ITGA9: variants seen among roughly 807,000 people sequenced by gnomAD.
The protein encoded by ITGA9 is integrin subunit alpha 9.
In ITGA9, 56 loss-of-function variants were observed where a neutral mutation model predicts 127.8. The observed-to-expected ratio is 0.44, with a 90% confidence interval of 0.35 to 0.55. The LOEUF (loss-of-function observed/expected upper bound fraction) is 0.55, where lower values mean the gene tolerates loss of function less well. Among genes scored for constraint, ITGA9 ranks in the 20% least tolerant of loss-of-function variants. The pLI is 0.00. For missense variants in ITGA9, 1,196 were observed against 1,347.1 expected (o/e 0.89, Z 1.76); for synonymous variants, 508 against 514.5 (o/e 0.99, Z 0.17).
At chr3:37,610,553 G>A (rs770733801) in intron 15 of ITGA9, among the ~76,000 whole-genome samples, 1 of 152,302 alleles carries the variant, frequency 6.6e-6, no homozygotes, top group East Asian at 1.9e-4. Context: ...GATGATACAA[G>A]TATAGACTTA....
chr3:37,805,207 C>T (rs1697281726), intron 27 of ITGA9, among the ~76,000 whole-genome samples: 1 of 152,012 alleles, frequency 6.6e-6, no homozygotes, highest in South Asian at 2.1e-4. Context: ...TGCACAATGC[C>T]TGGCTCATTT....
chr3:37,570,403 T>C (rs935948349), intron 15 of ITGA9, among the ~76,000 whole-genome samples: 1 of 152,234 alleles, frequency 6.6e-6, no homozygotes. Flanking sequence ...GGTTGTCTTA[T>C]AGGTTTATTT....
intron 23 of ITGA9, among the ~76,000 whole-genome samples, chr3:37,759,576 T>G (rs1453441882): frequency 1.3e-5 from 2 of 152,014 alleles, no homozygotes; most frequent in Non-Finnish European, 2.9e-5. Context: ...TAGATGGAAA[T>G]TATAAGAACC....
At position 37,598,892 on chromosome 3, in the gene ITGA9, G is replaced by A. The variant is rs1210251988; in HGVS notation, c.1690-30295G>A. Among the ~76,000 whole-genome samples, 6 of 152,140 alleles carry A rather than the reference G, an allele frequency of 3.9e-5. No individual in the cohort carries two copies. In the South Asian group the frequency reaches 6.2e-4, roughly 16 times the overall value. ...GTTTTAAAGGATCCGTGGGTTTGTG[G>A]GGAGGGCTGCACCAGTGACCAGTTA... On this transcript the variant is annotated intron_variant, in intron 15 of 27. Transcript: ENST00000264741.
intron 23 of ITGA9, among the ~76,000 whole-genome samples, chr3:37,772,275 G>A (rs9826848): frequency 1.1e-3 from 175 of 152,234 alleles, no homozygotes; most frequent in African/African-American, 3.9e-3. Context: ...AGGCATGGTG[G>A]CGTGTGCCTG....
At chr3:37,565,806 G>T (rs768294417) in intron 15 of ITGA9, among the ~76,000 whole-genome samples, 35 of 152,190 alleles carry the variant, frequency 2.3e-4, no homozygotes, top group African/African-American at 7.0e-4. Flanking sequence ...ACATTCCCAC[G>T]TGATGCTGCT....
In ITGA9 at chr3:37,495,878, A is replaced by G. The variant is rs1342791594; in HGVS notation, c.612+1310A>G. Reference sequence around the variant, plus strand: ...TGCATACTAGCCCCAGGGTCCTTCAAATGAAACCCATCCTTCTGACTCCGA... The same window carrying G: ...TGCATACTAGCCCCAGGGTCCTTCAGATGAAACCCATCCTTCTGACTCCGA... On this transcript the variant is annotated intron_variant, in intron 5 of 27. Coordinates refer to ENST00000264741, the MANE Select transcript of ITGA9 (RefSeq NM_002207.3). Among the ~76,000 whole-genome samples, 4 of 152,074 alleles carry G rather than the reference A, an allele frequency of 2.6e-5. No homozygotes were observed. The East Asian group carries it at 5.8e-4, about 22-fold the overall frequency.
At chr3:37,620,215 C>T (rs2125630877) in intron 15 of ITGA9, among the ~76,000 whole-genome samples, 1 of 152,356 alleles carries the variant, frequency 6.6e-6, no homozygotes, top group South Asian at 2.1e-4. Context: ...CAGGGCGTCA[C>T]TTGCAGGCTT....
In ITGA9 at chr3:37,654,742, G is replaced by A. The variant is rs889039531; in HGVS notation, c.1916+952G>A. On this transcript the variant is annotated intron_variant, in intron 17 of 27. Coordinates refer to ENST00000264741, the MANE Select transcript of ITGA9 (RefSeq NM_002207.3). ...AAGTTCCAGGATACATGTGCTGAAC[G>A]TGCAGGTTTGTTACATAGGTATACA... Among the ~76,000 whole-genome samples, 7 of 151,974 alleles carry A rather than the reference G, an allele frequency of 4.6e-5. 1 individual carries two copies. The highest frequency in any genetic ancestry group is 5.9e-5 in the Non-Finnish European group (4 of 67,992).
chr3:37,777,600 C>G, intron 24 of ITGA9, 83 bp downstream of exon 24: 1 of 1,495,594 alleles, frequency 6.7e-7, no homozygotes, highest in South Asian at 1.2e-5. Context: ...TTTATTATTT[C>G]CTAAATCTGG....
At chr3:37,686,145 A>G (rs960843844) in intron 18 of ITGA9, among the ~76,000 whole-genome samples, 2 of 150,776 alleles carry the variant, frequency 1.3e-5, no homozygotes, top group Admixed American at 6.6e-5. Context: ...ACCACCTACT[A>G]TACACCAGGG....
At chr3:37,617,491 T>G (rs1400940760) in intron 15 of ITGA9, among the ~76,000 whole-genome samples, 3 of 152,232 alleles carry the variant, frequency 2.0e-5, no homozygotes, top group Non-Finnish European at 4.4e-5. Context: ...CTGTATTTCC[T>G]GAATTTGAAT....
chr3:37,757,514 A>C (rs2125541149), intron 23 of ITGA9, among the ~76,000 whole-genome samples: 1 of 151,778 alleles, frequency 6.6e-6, no homozygotes, highest in East Asian at 1.9e-4. Context: ...ATAAAAAACA[A>C]ATTAGCCAGG....
At chr3:37,473,117 C>T (rs574588752) in intron 2 of ITGA9, among the ~76,000 whole-genome samples, 18 of 113,026 alleles carry the variant, frequency 1.6e-4, no homozygotes, top group East Asian at 1.2e-3. Flanking sequence ...CCAGCCTGGA[C>T]GACAGAGAGA....
intron 15 of ITGA9, among the ~76,000 whole-genome samples, chr3:37,598,684 T>C (rs1420675370): frequency 6.6e-6 from 1 of 152,156 alleles, no homozygotes; most frequent in African/African-American, 2.4e-5. Context: ...GGCCTACCCT[T>C]AGGCCCCAAG....
At chr3:37,689,896 A>G (rs1244500483) in intron 18 of ITGA9, among the ~76,000 whole-genome samples, 1 of 152,234 alleles carries the variant, frequency 6.6e-6, no homozygotes, top group African/African-American at 2.4e-5. Flanking sequence ...TCCAGCCACA[A>G]GGAGACACAA....
Position 37,513,885 on chromosome 3 carries a change from C to T in ITGA9, c.1020C>T (p.Tyr340=), listed in dbSNP as rs757800681. The change falls in exon 9 of 28, where the codon TAC becomes TAT. Residue 340 remains tyrosine, a synonymous_variant. Coordinates refer to ENST00000264741, the MANE Select transcript of ITGA9 (RefSeq NM_002207.3). ...EIRDEGQVTV[Y]INRGNGALEE... Reference sequence around the variant, plus strand: ...GGGATGAGGGACAGGTCACTGTCTACATCAACAGAGGAAATGTGAGTACAA... The same window carrying T: ...GGGATGAGGGACAGGTCACTGTCTATATCAACAGAGGAAATGTGAGTACAA... The T allele has an allele frequency of 6.2e-7, 1 of 1,613,446 alleles. No individual in the cohort carries two copies. The highest frequency in any genetic ancestry group is 1.7e-5 in the Admixed American group (1 of 60,018).
Position 37,452,445 on chromosome 3 carries a change from G to C in ITGA9, c.71G>C (p.Gly24Ala). The C allele has an allele frequency of 6.8e-7, 1 of 1,480,520 alleles. No homozygotes were observed. The highest frequency in any genetic ancestry group is 9.0e-7 in the Non-Finnish European group (1 of 1,114,522). 91.7% of individuals were successfully genotyped at this position (1,480,520 alleles called of 1,614,324 possible). A position where few individuals can be genotyped will look rare whatever the true frequency, so the allele number is the denominator to read the frequency against. Residue 24 changes from glycine to alanine, a missense_variant, in exon 1 of 28, where the codon GGG becomes GCG. By Grantham distance (60) the Gly-to-Ala change is moderately conservative. Transcript: ENST00000264741. This position sits in a 1 kb window ranked among gnomAD's most constrained non-coding sequence, Gnocchi z 7.3. Reference sequence around the variant, plus strand: ...CTGCTGCTGGCGCTGGTGGTCGCGGGGATCCCCGCGGGCGCCTACAACCTC... The same window carrying C: ...CTGCTGCTGGCGCTGGTGGTCGCGGCGATCCCCGCGGGCGCCTACAACCTC... ...RALLLALVVAGIPAGAYNLDP... is the reference protein window; with the variant it reads ...RALLLALVVAAIPAGAYNLDP...
intron 10 of ITGA9, 43 bp from the exon 11 acceptor site, chr3:37,519,217 A>G (rs3733138): frequency 0.061 from 89,112 of 1,453,080 alleles, 2,969 homozygotes; most frequent in East Asian, 0.093. Flanking sequence ...CACTTGTATT[A>G]TTAATGTGGC....
Sources: allele counts gnomAD v4.1 joint callset (sites outside exome capture counted in the v4.1 genomes callset), GRCh38; gene constraint gnomAD v4.1.1; non-coding constraint Gnocchi (gnomAD v3.1); transcripts MANE v1.5; gene names NCBI Gene and HGNC (gene_info 2026-07-23, HGNC 2026-07-21).